Variants in ADGRE2 observed in about 807,000 individuals in gnomAD.
ADGRE2 encodes the protein adhesion G protein-coupled receptor E2, also known as CD97 antigen.
In ADGRE2, 83 loss-of-function variants were observed where a neutral mutation model predicts 100.8. That is an observed-to-expected ratio of 0.82 (90% CI 0.69 to 0.99). ADGRE2 has a LOEUF of 0.99. Ranked by LOEUF, ADGRE2 falls within the 50% of genes least tolerant of loss-of-function variation. ADGRE2 has a pLI of 0.00. For synonymous variants in ADGRE2, 355 were observed against 413.0 expected (o/e 0.86, Z 1.70); for missense variants, 814 against 1,035.7 (o/e 0.79, Z 2.94).
At position 14,765,354 on chromosome 19, in the gene ADGRE2, T is replaced by C; in HGVS notation, c.872A>G (p.Asp291Gly). 1 of 1,614,120 alleles carries C rather than the reference T, an allele frequency of 6.2e-7. No individual in the cohort carries two copies. The highest frequency in any genetic ancestry group is 8.5e-7 in the Non-Finnish European group (1 of 1,180,020). ...FFDKVQDLGRDYKPGLANNTI... is the reference protein window; with the variant it reads ...FFDKVQDLGRGYKPGLANNTI... Reference sequence around the variant, plus strand: ...GTTATTGGCCAAGCCTGGCTTGTAGTCTCTGCCCAGGTCCTGGACTTTGTC... The same window carrying C: ...GTTATTGGCCAAGCCTGGCTTGTAGCCTCTGCCCAGGTCCTGGACTTTGTC... The change falls in exon 10 of 21, where the codon GAC becomes GGC. Residue 291 changes from aspartate (D) to glycine (G), a missense_variant. Asp to Gly is a moderately conservative substitution (Grantham distance 94). Around this residue, in one of 5 missense-constraint regions of ADGRE2, gnomAD observed 569 missense variants for 692.7 expected, o/e 0.82. Transcript: ENST00000315576.
At position 14,734,403 on chromosome 19, in the gene ADGRE2, A is replaced by G. The variant is rs2878368; in HGVS notation, c.*1833T>C. On this transcript the variant is annotated 3_prime_UTR_variant, in exon 21 of 21. Transcript: ENST00000315576. Reference sequence around the variant, plus strand: ...GTGGTGGTACACACCTGTAGTTTCAAATACCTGGAGGGGGACTGAGGCAGG... The same window carrying G: ...GTGGTGGTACACACCTGTAGTTTCAGATACCTGGAGGGGGACTGAGGCAGG... 0.22 allele frequency: 33,950 copies of G among 151,890 alleles called. 3,995 individuals are homozygous for G. Among genetic ancestry groups the G allele is most frequent in the Non-Finnish European group, 0.26 (17,646 of 67,990 alleles). The allele number at this position is 151,890 out of a possible 1,614,324, so 9.4% of individuals were successfully genotyped here.
chr19:14,739,260 G>A (rs571395489), intron 20 of ADGRE2, among the ~76,000 whole-genome samples: 6 of 152,260 alleles, frequency 3.9e-5, no homozygotes, highest in South Asian at 2.1e-4. Flanking sequence ...GTGAGCCAGC[G>A]TGTCCGGCCA....
chr19:14,731,094 T>TC, downstream of ADGRE2: 3 of 1,076,380 alleles, frequency 2.8e-6, no homozygotes, highest in Admixed American at 2.1e-5. Flanking sequence ...TCCTGCCCCC[T>TC]CCCCCCAAGG....
At position 14,748,321 on chromosome 19, in the gene ADGRE2, T is replaced by TTTTATTTTA. The variant is rs545816929; in HGVS notation, c.2025-1360_2025-1359insTAAAATAAA. On this transcript the variant is annotated intron_variant, in intron 16 of 20. Transcript: ENST00000315576. ...CAAAGGACATGATCTTGTTATTTTA[T>TTTTATTTTA]TTTTTTGAGATGGAGTCTCGCTCTG... Among the ~76,000 whole-genome samples the TTTTATTTTA allele has an allele frequency of 1.6e-4, 25 of 151,982 alleles. No homozygotes were observed. The East Asian group carries it at 4.8e-3, about 29-fold the overall frequency.
rs2147616555 is a variant in ADGRE2 at position 14,777,209 on chromosome 19, G to C, written c.-171-282C>G. On this transcript the variant is annotated intron_variant, in intron 1 of 20. Transcript: ENST00000315576. ...GCTCTTCCCTGGGCAGGCACGCAGG[G>C]GCCTTGTCAGAAATAGCTCTGGGCT... 3 of 466,512 alleles carry C rather than the reference G, an allele frequency of 6.4e-6. No homozygotes were observed. The Admixed American group carries it at 1.9e-4, about 30-fold the overall frequency. The allele number at this position is 466,512 out of a possible 1,614,324, so 28.9% of individuals were successfully genotyped here.
In ADGRE2 at chr19:14,735,015, A is replaced by G. The variant is rs1489437695; in HGVS notation, c.*1221T>C. On this transcript the variant is annotated 3_prime_UTR_variant, in exon 21 of 21. Coordinates refer to ENST00000315576, the MANE Select transcript of ADGRE2 (RefSeq NM_013447.4). ...GGAACTTGGAGCCGCCATTTTGGAC[A>G]TGCCTAGTCTAGGTAGCTTTTTCCT... The G allele has an allele frequency of 3.3e-5, 5 of 152,218 alleles. No individual in the cohort carries two copies. Among genetic ancestry groups the G allele is most frequent in the Non-Finnish European group, 5.9e-5 (4 of 68,044 alleles). The allele number at this position is 152,218 out of a possible 1,614,324, so 9.4% of individuals were successfully genotyped here.
At chr19:14,747,606 A>G (rs2043132273) in intron 16 of ADGRE2, among the ~76,000 whole-genome samples, 2 of 152,180 alleles carry the variant, frequency 1.3e-5, no homozygotes, top group African/African-American at 4.8e-5. Flanking sequence ...GGAGTTTGAG[A>G]CCAGCTTGCC....
At chr19:14,770,669 C>CTTTTTTTTTTTTTT (rs775214778) in intron 5 of ADGRE2, among the ~76,000 whole-genome samples, 5 of 85,010 alleles carry the variant, frequency 5.9e-5, no homozygotes, top group African/African-American at 9.2e-5. Context: ...TCTTTCTTTT[C>CTTTTTTTTTTTTTT]TTTTTTTTTT....
At chr19:14,765,232 G>T in intron 10 of ADGRE2, 88 bp downstream of exon 10, 2 of 1,424,322 alleles carry the variant, frequency 1.4e-6, no homozygotes, top group South Asian at 1.2e-5. Flanking sequence ...ATTGGGTCCT[G>T]TCCCCTCCCA....
chr19:14,769,677 T>G (rs1045683690), intron 5 of ADGRE2, among the ~76,000 whole-genome samples: 2 of 152,124 alleles, frequency 1.3e-5, no homozygotes, highest in South Asian at 4.1e-4. Flanking sequence ...CCTCTTTTCT[T>G]TTCTCTCTTC....
At chr19:14,762,158 T>C (rs1244961829) in intron 11 of ADGRE2, among the ~76,000 whole-genome samples, 6 of 151,752 alleles carry the variant, frequency 4.0e-5, no homozygotes, top group Non-Finnish European at 8.8e-5. Context: ...CATATTTAGC[T>C]CACAATAAAT....
At chr19:14,728,000 A>C (rs2042644189), downstream of ADGRE2, among the ~76,000 whole-genome samples, 1 of 152,204 alleles carries the variant, frequency 6.6e-6, no homozygotes, top group South Asian at 2.1e-4. Flanking sequence ...AGACAGGTGG[A>C]TCACGAGGTC....
intron 20 of ADGRE2, among the ~76,000 whole-genome samples, chr19:14,736,860 G>GATATTTAATATCTATATATTTAGAAATAT (rs1568573067): frequency 1.6e-5 from 2 of 122,792 alleles, no homozygotes; most frequent in Admixed American, 1.7e-4. Context: ...GAAATATATA[G>GATATTTAATATCTATATATTTAGAAATAT]ATATTTAATA....
At chr19:14,754,902 G>T (rs2043434029) in intron 14 of ADGRE2, 52 bp downstream of exon 14, 3 of 1,581,814 alleles carry the variant, frequency 1.9e-6, no homozygotes, top group Non-Finnish European at 1.7e-6. Flanking sequence ...CGTCTCTGGG[G>T]ATTTGTTACA....
At chr19:14,767,192 G>C (rs1436626713) in intron 5 of ADGRE2, 83 bp from the exon 6 acceptor site, 16 of 1,564,594 alleles carry the variant, frequency 1.0e-5, no homozygotes, top group Non-Finnish European at 1.3e-5. Context: ...TTCCTGGCAC[G>C]GAAGCATCTG....
In ADGRE2 at chr19:14,741,976, G is replaced by A. The variant is rs762980226; in HGVS notation, c.2463+1444C>T. 8 of 398,430 alleles carry A rather than the reference G, an allele frequency of 2.0e-5. No homozygotes were observed. In the East Asian group the frequency reaches 2.1e-4, roughly 11 times the overall value. The allele number at this position is 398,430 out of a possible 1,614,324, so 24.7% of individuals were successfully genotyped here. On this transcript the variant is annotated intron_variant, in intron 20 of 20. Coordinates refer to ENST00000315576, the MANE Select transcript of ADGRE2 (RefSeq NM_013447.4). ...TCATGAATTATCCCATGCCATTGAG[G>A]CATAGGATAATATGGCTTCAAGTGA...
At chr19:14,741,901 C>T in intron 20 of ADGRE2, 1 of 397,576 alleles carries the variant, frequency 2.5e-6, no homozygotes, top group South Asian at 1.3e-4. Flanking sequence ...AAAAATACAA[C>T]AGAACTTTGT....
chr19:14,742,827 A>T lies in ADGRE2; in HGVS notation c.2463+593T>A, dbSNP rs572636757. 9.2e-5 allele frequency among the ~76,000 whole-genome samples: 14 copies of T among 152,274 alleles called. No homozygotes were observed. In the South Asian group the frequency reaches 2.9e-3, roughly 32 times the overall value. On this transcript the variant is annotated intron_variant, in intron 20 of 20. Coordinates refer to ENST00000315576, the MANE Select transcript of ADGRE2 (RefSeq NM_013447.4). ...CACTGCTTCAGATCAATTCCTGCTC[A>T]TTTAGTTAACCATGCATGGCACATA...
At chr19:14,772,039 C>T in intron 5 of ADGRE2, 1 of 424,600 alleles carries the variant, frequency 2.4e-6, no homozygotes, top group Non-Finnish European at 4.3e-6. Flanking sequence ...TTATTATCAT[C>T]CTCATTTTAT....
Sources: allele counts gnomAD v4.1 joint callset (sites outside exome capture counted in the v4.1 genomes callset), GRCh38; gene constraint gnomAD v4.1.1; regional missense constraint gnomAD v4.1.1; transcripts MANE v1.5; gene names NCBI Gene and HGNC (gene_info 2026-07-23, HGNC 2026-07-21).